OPCML: variants seen among roughly 807,000 people sequenced by gnomAD.
OPCML encodes the protein opioid-binding protein/cell adhesion molecule.
A neutral mutation model predicts 37.8 loss-of-function variants in OPCML; 13 were observed. The observed-to-expected ratio is 0.34, with a 90% confidence interval of 0.22 to 0.55. The LOEUF is 0.55. Among genes scored for constraint, OPCML ranks in the 20% least tolerant of loss-of-function variants. OPCML has a pLI of 0.91. For synonymous variants in OPCML, 176 were observed against 168.8 expected (o/e 1.04, Z -0.33); for missense variants, 341 against 435.6 (o/e 0.78, Z 1.93).
chr11:133,368,216 G>A (rs1223396990), intron 1 of OPCML, among the ~76,000 whole-genome samples: 33 of 143,302 alleles, frequency 2.3e-4, no homozygotes, highest in Non-Finnish European at 2.0e-4. Flanking sequence ...GGAGGAAGAG[G>A]GGAGGAATAT....
At chr11:132,613,901 C>G (rs980525544) in intron 3 of OPCML, among the ~76,000 whole-genome samples, 6 of 152,022 alleles carry the variant, frequency 3.9e-5, no homozygotes, top group African/African-American at 7.3e-5. Flanking sequence ...TCTGGGGATG[C>G]ACTGCTATAT....
intron 1 of OPCML, among the ~76,000 whole-genome samples, chr11:132,989,602 C>CGTGTGT (rs72145712): frequency 2.9e-4 from 40 of 139,564 alleles, no homozygotes; most frequent in Middle Eastern, 3.7e-3. Context: ...GGTCCTAGAG[C>CGTGTGT]GTGTGTGTGT....
At chr11:132,437,436 T>A in intron 4 of OPCML, 77 bp from the exon 5 acceptor site, 2 of 1,561,514 alleles carry the variant, frequency 1.3e-6, no homozygotes, top group Admixed American at 4.1e-5. Context: ...CATCTAGAGA[T>A]TGTAGGAGGA....
intron 3 of OPCML, among the ~76,000 whole-genome samples, chr11:132,570,847 A>G (rs765568513): frequency 1.3e-4 from 19 of 142,532 alleles, no homozygotes; most frequent in South Asian, 2.3e-4. Context: ...ATGTTGATCA[A>G]TAACTCCCCA....
intron 1 of OPCML, among the ~76,000 whole-genome samples, chr11:132,973,341 C>T (rs1442416194): frequency 6.6e-6 from 1 of 152,166 alleles, no homozygotes; most frequent in East Asian, 1.9e-4. Flanking sequence ...ATCCCTCTTT[C>T]GTCAGCTTGC....
chr11:133,146,603 G>A (rs915103694), intron 1 of OPCML, among the ~76,000 whole-genome samples: 4 of 151,504 alleles, frequency 2.6e-5, no homozygotes, highest in Non-Finnish European at 5.9e-5. Flanking sequence ...ATGAGCCAAC[G>A]TGCCTGGCCA....
chr11:133,410,440 T>G (rs1228424670), intron 1 of OPCML, among the ~76,000 whole-genome samples: 1 of 152,016 alleles, frequency 6.6e-6, no homozygotes, highest in Non-Finnish European at 1.5e-5. Flanking sequence ...GCCTTTGCAC[T>G]CAGCCCCGTT....
chr11:132,992,889 C>T lies in OPCML; in HGVS notation c.62-49879G>A, dbSNP rs572112737. ...GATTATTGGAATGGCTGTTTGTTTT[C>T]TAACTGGCTGGAGCAACGTTGACAT... On this transcript the variant is annotated intron_variant, in intron 1 of 7. Coordinates refer to ENST00000524381, the MANE Select transcript of OPCML (RefSeq NM_001012393.5). Among the ~76,000 whole-genome samples the T allele has an allele frequency of 3.5e-3, 539 of 152,292 alleles. 2 individuals are homozygous for T. Among genetic ancestry groups the T allele is most frequent in the African/African-American group, 0.012 (517 of 41,568 alleles).
intron 1 of OPCML, among the ~76,000 whole-genome samples, chr11:133,253,494 G>A (rs951402012): frequency 6.6e-6 from 1 of 152,094 alleles, no homozygotes. Context: ...ATTTTTAGTA[G>A]AGACAGGGTT....
At chr11:133,020,456 C>T (rs1048516187) in intron 1 of OPCML, among the ~76,000 whole-genome samples, 10 of 152,184 alleles carry the variant, frequency 6.6e-5, no homozygotes, top group Non-Finnish European at 1.2e-4. Flanking sequence ...AGTGGATTAT[C>T]CCAGTTCAGA....
At chr11:132,722,251 G>A (rs539048513) in intron 2 of OPCML, among the ~76,000 whole-genome samples, 12 of 130,996 alleles carry the variant, frequency 9.2e-5, no homozygotes, top group South Asian at 2.4e-4. Context: ...CACCACGTCC[G>A]GCCTATTTTT....
intron 1 of OPCML, among the ~76,000 whole-genome samples, chr11:133,138,169 C>G (rs1198872554): frequency 6.6e-6 from 1 of 152,172 alleles, no homozygotes. Flanking sequence ...GGTTCCTCCC[C>G]ATGTTTGGTC....
chr11:133,407,760 G>A lies in OPCML; in HGVS notation c.61+124504C>T, dbSNP rs557153996. 3.9e-5 allele frequency among the ~76,000 whole-genome samples: 6 copies of A among 152,286 alleles called. No individual in the cohort carries two copies. In the East Asian group the frequency reaches 1.2e-3, roughly 29 times the overall value. On this transcript the variant is annotated intron_variant, in intron 1 of 7. Coordinates refer to ENST00000524381, the MANE Select transcript of OPCML (RefSeq NM_001012393.5). Reference sequence around the variant, plus strand: ...GTCAGAGAGGAGGAGAGTGGACTAGGTCAGAAAGTATCTGACAGAATTGCC... The same window carrying A: ...GTCAGAGAGGAGGAGAGTGGACTAGATCAGAAAGTATCTGACAGAATTGCC...
At chr11:133,099,234 A>C (rs191612287) in intron 1 of OPCML, among the ~76,000 whole-genome samples, 145 of 152,090 alleles carry the variant, frequency 9.5e-4, no homozygotes, top group African/African-American at 3.3e-3. Flanking sequence ...ATAGTCTCCG[A>C]AACTTTGCCA....
At chr11:133,155,544 G>T (rs1374969564) in intron 1 of OPCML, among the ~76,000 whole-genome samples, 1 of 151,904 alleles carries the variant, frequency 6.6e-6, no homozygotes, top group African/African-American at 2.4e-5. Context: ...ACAATTCCTT[G>T]CATGCAAAGG....
At chr11:132,637,821 T>A (rs959486252) in intron 3 of OPCML, among the ~76,000 whole-genome samples, 5 of 152,094 alleles carry the variant, frequency 3.3e-5, no homozygotes, top group Non-Finnish European at 7.4e-5. Flanking sequence ...CACTGATTGA[T>A]CACGTGCCTG....
At chr11:132,783,412 A>C (rs1168944495) in intron 2 of OPCML, among the ~76,000 whole-genome samples, 1 of 152,196 alleles carries the variant, frequency 6.6e-6, no homozygotes, top group Non-Finnish European at 1.5e-5. Flanking sequence ...GTGACCCAGG[A>C]GGCCGCATTT....
At chr11:133,093,838 A>C (rs993151565) in intron 1 of OPCML, among the ~76,000 whole-genome samples, 3 of 152,162 alleles carry the variant, frequency 2.0e-5, no homozygotes, top group African/African-American at 7.2e-5. Flanking sequence ...AGCACGATGC[A>C]AATGTCATCT....
chr11:133,434,138 TGAG>T (rs1946183112), intron 1 of OPCML, among the ~76,000 whole-genome samples: 1 of 152,226 alleles, frequency 6.6e-6, no homozygotes, highest in Non-Finnish European at 1.5e-5. Context: ...ATTTTTACAT[TGAG>T]GAGAAATTAC....
Sources: allele counts gnomAD v4.1 joint callset (sites outside exome capture counted in the v4.1 genomes callset), GRCh38; gene constraint gnomAD v4.1.1; transcripts MANE v1.5; gene names NCBI Gene and HGNC (gene_info 2026-07-23, HGNC 2026-07-21).